ZCCHC7: variants seen among roughly 807,000 people sequenced by gnomAD.
ZCCHC7 encodes the protein zinc finger CCHC-type containing 7, also known as zinc finger CCHC domain-containing protein 7.
ZCCHC7 carries 35 observed loss-of-function variants against 52.0 expected under a neutral mutation model. The observed-to-expected ratio is 0.67, with a 90% CI of 0.51 to 0.89. The LOEUF is 0.89. Among genes scored for constraint, ZCCHC7 ranks in the 40% least tolerant of loss-of-function variants. ZCCHC7 has a pLI of 0.00. For missense variants in ZCCHC7, 574 were observed against 649.1 expected, an observed-to-expected ratio of 0.88 and a Z score of 1.26; for synonymous variants, 217 against 221.5, an observed-to-expected ratio of 0.98 and a Z score of 0.18.
At chr9:37,214,199 A>G (rs1741346089) in intron 2 of ZCCHC7, among the ~76,000 whole-genome samples, 1 of 152,222 alleles carries the variant, frequency 6.6e-6, no homozygotes, top group East Asian at 1.9e-4. Flanking sequence ...ATACTGAAAC[A>G]CTCATTAACA....
chr9:37,186,048 C>T (rs1193568896), intron 2 of ZCCHC7, among the ~76,000 whole-genome samples: 3 of 151,424 alleles, frequency 2.0e-5, no homozygotes, highest in Non-Finnish European at 4.4e-5. Context: ...TATTATTTCC[C>T]ATCTCATTAT....
At chr9:37,341,075 C>T (rs533633778) in intron 6 of ZCCHC7, among the ~76,000 whole-genome samples, 53 of 152,224 alleles carry the variant, frequency 3.5e-4, no homozygotes, top group South Asian at 6.2e-4. Context: ...GAAGTGTCAA[C>T]ATGAAACATG....
chr9:37,203,544 G>C (rs953005242), intron 2 of ZCCHC7, among the ~76,000 whole-genome samples: 1 of 152,164 alleles, frequency 6.6e-6, no homozygotes, highest in Non-Finnish European at 1.5e-5. Context: ...TTATGCATGA[G>C]AACATGTGGT....
intron 2 of ZCCHC7, among the ~76,000 whole-genome samples, chr9:37,247,075 T>C (rs964509761): frequency 7.9e-5 from 12 of 152,126 alleles, no homozygotes; most frequent in African/African-American, 2.9e-4. Flanking sequence ...GACAGATACC[T>C]CCCCAACCCC....
intron 2 of ZCCHC7, among the ~76,000 whole-genome samples, chr9:37,182,693 A>G (rs1822432942): frequency 1.3e-5 from 2 of 152,244 alleles, no homozygotes; most frequent in African/African-American, 2.4e-5. Flanking sequence ...AAGATGGAAC[A>G]TAAGACAGCC....
At chr9:37,192,926 C>G (rs1052331579) in intron 2 of ZCCHC7, among the ~76,000 whole-genome samples, 4 of 152,096 alleles carry the variant, frequency 2.6e-5, no homozygotes, top group African/African-American at 7.2e-5. Context: ...TTTAGATGTT[C>G]AATGGAACAG....
intron 2 of ZCCHC7, among the ~76,000 whole-genome samples, chr9:37,132,923 G>C (rs1842852037): frequency 6.6e-6 from 1 of 152,164 alleles, no homozygotes; most frequent in Non-Finnish European, 1.5e-5. Flanking sequence ...CGGATCACGA[G>C]GTCTGGAGTT....
At chr9:37,212,527 CTTT>C in intron 2 of ZCCHC7, among the ~76,000 whole-genome samples, 1 of 151,900 alleles carries the variant, frequency 6.6e-6, no homozygotes, top group Non-Finnish European at 1.5e-5. Context: ...TCTTTCTTTT[CTTT>C]TTAGTTGGCT....
rs1330048519 is a variant in ZCCHC7, at chr9:37,275,328, T to C, written c.611-26860T>C. Among the ~76,000 whole-genome samples, 5 of 151,742 alleles carry C rather than the reference T, an allele frequency of 3.3e-5. No homozygotes were observed. In the East Asian group the frequency reaches 9.7e-4, roughly 29 times the overall value. ...TATTGTCTAGTTTTCCTTTTTTTTT[T>C]TTTTTTTTGAGCTTTATATTCATGG... On this transcript the variant is annotated intron_variant, in intron 2 of 8. Coordinates refer to ENST00000336755, the MANE Select transcript of ZCCHC7 (RefSeq NM_032226.3).
In ZCCHC7 at chr9:37,131,068, T is replaced by G. The variant is rs10973226; in HGVS notation, c.610+4126T>G. ...ATTATATTAAAAAAATGGCCAGGCC[T>G]GGTGGCTCACGCCTGTAATCCCAGC... On this transcript the variant is annotated intron_variant, in intron 2 of 8. Coordinates refer to ENST00000336755, the MANE Select transcript of ZCCHC7 (RefSeq NM_032226.3). Among the ~76,000 whole-genome samples the G allele has an allele frequency of 4.0e-5, 6 of 151,608 alleles. No homozygotes were observed. The South Asian group carries it at 1.2e-3, about 31-fold the overall frequency.
intron 2 of ZCCHC7, among the ~76,000 whole-genome samples, chr9:37,276,575 A>G (rs1179330450): frequency 6.6e-6 from 1 of 152,202 alleles, no homozygotes; most frequent in Non-Finnish European, 1.5e-5. Context: ...CCCTCAATAG[A>G]TGTTAATTGC....
At chr9:37,241,915 G>A (rs1825889388) in intron 2 of ZCCHC7, among the ~76,000 whole-genome samples, 1 of 151,708 alleles carries the variant, frequency 6.6e-6, no homozygotes, top group Non-Finnish European at 1.5e-5. Context: ...TGGCTCATCA[G>A]CTTAGGATCA....
intron 2 of ZCCHC7, among the ~76,000 whole-genome samples, chr9:37,169,925 TG>T (rs1302965485): frequency 2.6e-5 from 4 of 152,044 alleles, no homozygotes; most frequent in Non-Finnish European, 5.9e-5. Context: ...AGATAGGGCT[TG>T]GTGGCATGCA....
At chr9:37,316,039 T>C (rs2117901261) in intron 5 of ZCCHC7, among the ~76,000 whole-genome samples, 1 of 151,524 alleles carries the variant, frequency 6.6e-6, no homozygotes, top group Admixed American at 6.6e-5. Flanking sequence ...AGGGTTCCTT[T>C]TTGTTTGTTT....
chr9:37,165,326 T>C (rs532710185), intron 2 of ZCCHC7, among the ~76,000 whole-genome samples: 2 of 152,316 alleles, frequency 1.3e-5, no homozygotes, highest in East Asian at 3.9e-4. Context: ...TTGTTTTTTT[T>C]TTCTTGCCAT....
intron 2 of ZCCHC7, among the ~76,000 whole-genome samples, chr9:37,294,933 G>T (rs561811953): frequency 6.6e-5 from 10 of 152,096 alleles, no homozygotes; most frequent in Non-Finnish European, 1.0e-4. Context: ...GACTGAAGGA[G>T]AATTTACTTC....
At position 37,341,031 on chromosome 9, in the gene ZCCHC7, G is replaced by A. The variant is rs546321338; in HGVS notation, c.988-8326G>A. Among the ~76,000 whole-genome samples, 5 of 152,100 alleles carry A rather than the reference G, an allele frequency of 3.3e-5. No homozygotes were observed. The East Asian group carries it at 9.7e-4, about 29-fold the overall frequency. On this transcript the variant is annotated intron_variant, in intron 6 of 8. Coordinates refer to ENST00000336755, the MANE Select transcript of ZCCHC7 (RefSeq NM_032226.3). ...ATCCACATGTTTACATTTCTTTCAG[G>A]GGCTAAATTTGAGATTCCTTTAAAA...
intron 2 of ZCCHC7, among the ~76,000 whole-genome samples, chr9:37,128,924 C>T (rs1221866076): frequency 6.6e-6 from 1 of 152,162 alleles, no homozygotes; most frequent in Non-Finnish European, 1.5e-5. Flanking sequence ...TATTCTTTCT[C>T]TAAATTACCT....
intron 2 of ZCCHC7, among the ~76,000 whole-genome samples, chr9:37,171,757 A>G (rs1821741587): frequency 6.6e-6 from 1 of 152,204 alleles, no homozygotes; most frequent in Non-Finnish European, 1.5e-5. Context: ...CATAGTTTTT[A>G]GAGGACCTTG....
Sources: allele counts gnomAD v4.1 joint callset (sites outside exome capture counted in the v4.1 genomes callset), GRCh38; gene constraint gnomAD v4.1.1; transcripts MANE v1.5; gene names NCBI Gene and HGNC (gene_info 2026-07-23, HGNC 2026-07-21).